Variants in B3GALT5 observed in about 807,000 individuals in gnomAD.
B3GALT5 encodes UDP-Gal:betaGlcNAc beta 1,3-galactosyltransferase, polypeptide 5.
For synonymous variants in B3GALT5, 156 were observed against 158.6 expected, an observed-to-expected ratio of 0.98 and a Z score of 0.12; for missense variants, 328 against 396.6, an observed-to-expected ratio of 0.83 and a Z score of 1.47.
intron 1 of B3GALT5, among the ~76,000 whole-genome samples, chr21:39,627,836 C>T (rs549498328): frequency 3.9e-4 from 59 of 152,138 alleles, no homozygotes; most frequent in Non-Finnish European, 7.5e-4. Context: ...ACTTTAAACA[C>T]ACTTTAAAAT....
intron 2 of B3GALT5, among the ~76,000 whole-genome samples, chr21:39,654,256 A>AT (rs1352614591): frequency 6.6e-6 from 1 of 152,178 alleles, no homozygotes; most frequent in Non-Finnish European, 1.5e-5. Context: ...CTCCTGGCTA[A>AT]TTTTTTGTAG....
At chr21:39,636,656 C>T (rs757826194) in intron 1 of B3GALT5, among the ~76,000 whole-genome samples, 4 of 152,076 alleles carry the variant, frequency 2.6e-5, no homozygotes, top group Non-Finnish European at 5.9e-5. Context: ...CTGTTTTCCA[C>T]GAGTCCTTGG....
At chr21:39,618,180 GTAC>G (rs1257427893) in intron 1 of B3GALT5, among the ~76,000 whole-genome samples, 1 of 151,972 alleles carries the variant, frequency 6.6e-6, no homozygotes, top group Non-Finnish European at 1.5e-5. Flanking sequence ...TTGTAGGATT[GTAC>G]TACAATTGGC....
chr21:39,629,295 G>A (rs1193672095), intron 1 of B3GALT5, among the ~76,000 whole-genome samples: 1 of 152,188 alleles, frequency 6.6e-6, no homozygotes, highest in Non-Finnish European at 1.5e-5. Flanking sequence ...GATTATAGGC[G>A]TGAGCCACCA....
intron 1 of B3GALT5, among the ~76,000 whole-genome samples, chr21:39,613,684 G>A (rs1847892448): frequency 6.6e-6 from 1 of 151,878 alleles, no homozygotes; most frequent in Non-Finnish European, 1.5e-5. Context: ...GAGTGCGTGT[G>A]TGTGTGCGCG....
intron 1 of B3GALT5, among the ~76,000 whole-genome samples, chr21:39,639,359 C>CTTTTT (rs1569212217): frequency 8.8e-4 from 89 of 100,576 alleles, no homozygotes; most frequent in Non-Finnish European, 1.3e-3. Context: ...TCCTTCCTTC[C>CTTTTT]TTCCTTCCTT....
At position 39,667,641 on chromosome 21, in the gene B3GALT5, C is replaced by T. The variant is rs1408084498; in HGVS notation, c.*6149C>T. The T allele has an allele frequency of 1.3e-5, 2 of 152,196 alleles. No individual in the cohort carries two copies. Among genetic ancestry groups the T allele is most frequent in the African/African-American group, 4.8e-5 (2 of 41,448 alleles). 9.4% of individuals were successfully genotyped at this position (152,196 alleles called of 1,614,324 possible). A position where few individuals can be genotyped will look rare whatever the true frequency, so the allele number is the denominator to read the frequency against. On this transcript the variant is annotated 3_prime_UTR_variant, in exon 4 of 4. Transcript: ENST00000684187. Reference sequence around the variant, plus strand: ...ACTGACGTACAGCCTTGCAGAGCCTCCAGCTTCCATGGTGGCAGGAGCCAT... The same window carrying T: ...ACTGACGTACAGCCTTGCAGAGCCTTCAGCTTCCATGGTGGCAGGAGCCAT...
chr21:39,648,212 GAA>G (rs1340511415), intron 2 of B3GALT5, among the ~76,000 whole-genome samples: 3 of 152,154 alleles, frequency 2.0e-5, no homozygotes, highest in Non-Finnish European at 4.4e-5. Context: ...AATCAGAAAA[GAA>G]TGCATCAGAT....
rs1483810436 is a variant in B3GALT5 at position 39,659,858 on chromosome 21, C to T, written c.-55C>T. ...TTCTTTGAGACAAATTTCCTCTTGG[C>T]ATTTACACTGTGGCTTTAGCTTTCA... On this transcript the variant is annotated 5_prime_UTR_variant, in exon 3 of 4. Transcript: ENST00000684187. 19 of 984,994 alleles carry T rather than the reference C, an allele frequency of 1.9e-5. No individual in the cohort carries two copies. Among genetic ancestry groups the T allele is most frequent in the Non-Finnish European group, 2.3e-5 (19 of 829,874 alleles). The allele number at this position is 984,994 out of a possible 1,614,324, so 61.0% of individuals were successfully genotyped here.
At chr21:39,631,603 T>C (rs895645753) in intron 1 of B3GALT5, among the ~76,000 whole-genome samples, 2 of 152,226 alleles carry the variant, frequency 1.3e-5, no homozygotes, top group African/African-American at 4.8e-5. Context: ...TAAAGATCTA[T>C]TAACTCACTT....
rs533291001 is a variant in B3GALT5, at chr21:39,655,536, G to C, written c.-160-4217G>C. 1.1e-4 allele frequency among the ~76,000 whole-genome samples: 17 copies of C among 152,264 alleles called. No individual in the cohort carries two copies. In the South Asian group the frequency reaches 3.5e-3, roughly 32 times the overall value. On this transcript the variant is annotated intron_variant, in intron 2 of 3. Coordinates refer to ENST00000684187, the MANE Select transcript of B3GALT5 (RefSeq NM_001356336.2). The stretch of plus-strand genomic sequence containing the variant: ...CTTAATTACTTAGAGGGTCACCCTG[G>C]TTGCTCACTTCAGCTCACTTGGGAG...
In B3GALT5 at chr21:39,634,571, G is replaced by A. The variant is rs141500383; in HGVS notation, c.-391-11821G>A. On this transcript the variant is annotated intron_variant, in intron 1 of 3. Coordinates refer to ENST00000684187, the MANE Select transcript of B3GALT5 (RefSeq NM_001356336.2). Reference sequence around the variant, plus strand: ...CGGGTCGCTCACATCTATAAATGACGGTCTAGGTTGTACAGTCTCGGAGGT... The same window carrying A: ...CGGGTCGCTCACATCTATAAATGACAGTCTAGGTTGTACAGTCTCGGAGGT... 4.5e-3 allele frequency among the ~76,000 whole-genome samples: 687 copies of A among 152,030 alleles called. 4 individuals carry two copies. The highest frequency in any genetic ancestry group is 0.015 in the African/African-American group (635 of 41,462).
chr21:39,620,015 C>T (rs1044837551), intron 1 of B3GALT5, among the ~76,000 whole-genome samples: 6 of 152,106 alleles, frequency 3.9e-5, no homozygotes, highest in African/African-American at 1.4e-4. Context: ...TTGGTAGAGA[C>T]AGTATTCACT....
In B3GALT5 at chr21:39,639,153, A is replaced by G. The variant is rs192954679; in HGVS notation, c.-391-7239A>G. On this transcript the variant is annotated intron_variant, in intron 1 of 3. Coordinates refer to ENST00000684187, the MANE Select transcript of B3GALT5 (RefSeq NM_001356336.2). ...TTATTAAACTAACAGAACAGGTCATACTCCATGGAGTTTGTAGGTGAGGTG... is the reference window on the plus strand; with the variant it reads ...TTATTAAACTAACAGAACAGGTCATGCTCCATGGAGTTTGTAGGTGAGGTG... Among the ~76,000 whole-genome samples the G allele has an allele frequency of 2.9e-3, 447 of 151,966 alleles. 6 individuals are homozygous for G. Among genetic ancestry groups the G allele is most frequent in the African/African-American group, 0.01 (415 of 41,454 alleles).
intron 1 of B3GALT5, among the ~76,000 whole-genome samples, chr21:39,621,047 T>C (rs2079131931): frequency 6.6e-6 from 1 of 152,206 alleles, no homozygotes; most frequent in Non-Finnish European, 1.5e-5. Context: ...GGAGGATTGC[T>C]TGAGGCCAGA....
At chr21:39,626,508 A>G (rs879852083) in intron 1 of B3GALT5, among the ~76,000 whole-genome samples, 3 of 152,038 alleles carry the variant, frequency 2.0e-5, no homozygotes, top group Admixed American at 1.3e-4. Flanking sequence ...CTGTGATATC[A>G]TTTTCCACAC....
chr21:39,644,494 C>G (rs1330690046), intron 1 of B3GALT5, among the ~76,000 whole-genome samples: 3 of 152,056 alleles, frequency 2.0e-5, no homozygotes, highest in African/African-American at 7.2e-5. Context: ...AGTCTGGGGT[C>G]CCAAGATTTA....
At position 39,665,791 on chromosome 21, in the gene B3GALT5, C is replaced by G. The variant is rs1246902351; in HGVS notation, c.*4299C>G. 1.3e-5 allele frequency: 2 copies of G among 152,258 alleles called. No homozygotes were observed. Among genetic ancestry groups the G allele is most frequent in the Non-Finnish European group, 2.9e-5 (2 of 68,068 alleles). The allele number at this position is 152,258 out of a possible 1,614,324, so 9.4% of individuals were successfully genotyped here. A position where few individuals can be genotyped will look rare whatever the true frequency, so the allele number is the denominator to read the frequency against. ...ATGCCCCGTACCTTATATTGTTTTC[C>G]TTGCACTTACCAATTTCTAACAAAG... On this transcript the variant is annotated 3_prime_UTR_variant, in exon 4 of 4. Transcript: ENST00000684187.
At chr21:39,645,470 T>TTCATGATGGATGCG (rs2079328418) in intron 1 of B3GALT5, among the ~76,000 whole-genome samples, 1 of 152,116 alleles carries the variant, frequency 6.6e-6, no homozygotes, top group Non-Finnish European at 1.5e-5. Context: ...GAGGTAGGGG[T>TTCATGATGGATGCG]TCATGATGGA....
Sources: allele counts gnomAD v4.1 joint callset (sites outside exome capture counted in the v4.1 genomes callset), GRCh38; gene constraint gnomAD v4.1.1; transcripts MANE v1.5; gene names NCBI Gene and HGNC (gene_info 2026-07-23, HGNC 2026-07-21).